The following PHKB variants were observed in gnomAD, a reference collection of about 807,000 sequenced individuals.
The protein encoded by PHKB is phosphorylase b kinase regulatory subunit beta.
In PHKB, 122 loss-of-function variants were observed where a neutral mutation model predicts 152.1. That is an observed-to-expected ratio of 0.80 (90% CI 0.69 to 0.93). The LOEUF (loss-of-function observed/expected upper bound fraction) is 0.93. Among genes scored for constraint, PHKB ranks in the 40% least tolerant of loss-of-function variants. The probability of loss-of-function intolerance (pLI) is 0.00; values close to 1 mark genes in which losing one functional copy is unlikely to be tolerated. For synonymous variants in PHKB, 436 were observed against 464.9 expected (o/e 0.94, Z 0.80); for missense variants, 1,304 against 1,328.4 (o/e 0.98, Z 0.29).
At chr16:47,566,115 T>C in intron 7 of PHKB, 1 of 657,958 alleles carries the variant, frequency 1.5e-6, no homozygotes, top group African/African-American at 1.8e-5. Flanking sequence ...TCTATCATAA[T>C]CTCTGCTGCC....
At position 47,699,663 on chromosome 16, in the gene PHKB, C is replaced by A; in HGVS notation, c.*297C>A. 2.4e-6 allele frequency: 1 copy of A among 410,372 alleles called. No homozygotes were observed. The allele number at this position is 410,372 out of a possible 1,614,324, so 25.4% of individuals were successfully genotyped here. On this transcript the variant is annotated 3_prime_UTR_variant, in exon 31 of 31. Coordinates refer to ENST00000323584, the MANE Select transcript of PHKB (RefSeq NM_000293.3). Reference sequence around the variant, plus strand: ...AATTTGCCGCTGCATGTTGTATGATCAAATAGTTCATCAAAATGAATCTTT... The same window carrying A: ...AATTTGCCGCTGCATGTTGTATGATAAAATAGTTCATCAAAATGAATCTTT...
At chr16:47,598,954 C>T in intron 13 of PHKB, 2 of 1,452,498 alleles carry the variant, frequency 1.4e-6, no homozygotes, top group Non-Finnish European at 1.9e-6. Flanking sequence ...TGGAGTATTG[C>T]ACACAGCCAA....
chr16:47,586,418 A>G (rs1004619847), intron 8 of PHKB, among the ~76,000 whole-genome samples: 3 of 152,232 alleles, frequency 2.0e-5, no homozygotes, highest in African/African-American at 4.8e-5. Flanking sequence ...AGACAGCCTC[A>G]CCGAATCACT....
intron 7 of PHKB, chr16:47,566,939 G>A (rs1199679843): frequency 9.0e-6 from 5 of 557,620 alleles, no homozygotes; most frequent in Admixed American, 8.3e-5. Context: ...TGTTGAGGCT[G>A]CCATGTTGGG....
chr16:47,598,041 CAG>C (rs1472465688), intron 13 of PHKB: 4 of 152,016 alleles, frequency 2.6e-5, no homozygotes, highest in Admixed American at 6.6e-5. Flanking sequence ...TATCAGAAAA[CAG>C]AGTAAATGGT....
chr16:47,490,777 C>T (rs1443241600), intron 1 of PHKB, among the ~76,000 whole-genome samples: 1 of 152,172 alleles, frequency 6.6e-6, no homozygotes, highest in Non-Finnish European at 1.5e-5. Flanking sequence ...AAGGGCAGAT[C>T]AGTGCCCCAA....
chr16:47,520,203 A>G (rs1315742955), intron 6 of PHKB, among the ~76,000 whole-genome samples: 1 of 152,204 alleles, frequency 6.6e-6, no homozygotes, highest in East Asian at 1.9e-4. Flanking sequence ...AAAACTATTT[A>G]TGGATGGTTT....
chr16:47,576,608 T>A (rs1207007956), intron 7 of PHKB, among the ~76,000 whole-genome samples: 1 of 152,214 alleles, frequency 6.6e-6, no homozygotes, highest in East Asian at 1.9e-4. Flanking sequence ...TTCTTTCAGT[T>A]CTGTCAGTTT....
At chr16:47,670,978 T>A (rs1478234441) in intron 26 of PHKB, among the ~76,000 whole-genome samples, 1 of 152,152 alleles carries the variant, frequency 6.6e-6, no homozygotes, top group Admixed American at 6.5e-5. Context: ...TATCATCTGG[T>A]CCGTCTTACT....
In PHKB at chr16:47,565,063, A is replaced by G. The variant is rs150901420; in HGVS notation, c.711-15232A>G. 1,362 of 442,162 alleles carry G rather than the reference A, an allele frequency of 3.1e-3. 22 individuals are homozygous for G. Among genetic ancestry groups the G allele is most frequent in the African/African-American group, 0.026 (1,263 of 49,130 alleles). The allele number at this position is 442,162 out of a possible 1,614,324, so 27.4% of individuals were successfully genotyped here. Reference sequence around the variant, plus strand: ...CCAGGGTGCAGAGAAAGTAGGAGAAAGCACAGGATGTTGAGGTCTATTTGG... The same window carrying G: ...CCAGGGTGCAGAGAAAGTAGGAGAAGGCACAGGATGTTGAGGTCTATTTGG... On this transcript the variant is annotated intron_variant, in intron 7 of 30. Transcript: ENST00000323584.
At chr16:47,479,394 A>C (rs1969925816) in intron 1 of PHKB, among the ~76,000 whole-genome samples, 1 of 151,968 alleles carries the variant, frequency 6.6e-6, no homozygotes, top group African/African-American at 2.4e-5. Flanking sequence ...GCTGCTGTCT[A>C]ATTTTGATCT....
chr16:47,665,474 G>A, intron 25 of PHKB: 1 of 245,558 alleles, frequency 4.1e-6, no homozygotes, highest in Non-Finnish European at 7.9e-6. Flanking sequence ...CTAAAATTCA[G>A]TACTAAGTGA....
intron 13 of PHKB, among the ~76,000 whole-genome samples, chr16:47,598,464 G>C (rs1400014725): frequency 2.6e-5 from 4 of 152,078 alleles, no homozygotes; most frequent in Non-Finnish European, 5.9e-5. Context: ...TAACCTGTGT[G>C]AATACTTTAT....
intron 11 of PHKB, 146 bp downstream of exon 11, chr16:47,593,703 T>C: frequency 1.5e-6 from 1 of 663,668 alleles, no homozygotes; most frequent in Non-Finnish European, 2.7e-6. Flanking sequence ...TTAATTGCCC[T>C]GCATTTGTAT....
chr16:47,581,298 C>T (rs1036973161), intron 8 of PHKB, among the ~76,000 whole-genome samples: 1 of 152,172 alleles, frequency 6.6e-6, no homozygotes, highest in Admixed American at 6.5e-5. Flanking sequence ...CTTCTCATCC[C>T]AACTCCCTCT....
chr16:47,582,841 G>C (rs1451388941), intron 8 of PHKB, among the ~76,000 whole-genome samples: 1 of 152,152 alleles, frequency 6.6e-6, no homozygotes, highest in African/African-American at 2.4e-5. Flanking sequence ...TTGTCACCCA[G>C]GCTGGAGTGC....
At chr16:47,581,438 A>G (rs1359304603) in intron 8 of PHKB, among the ~76,000 whole-genome samples, 5 of 152,196 alleles carry the variant, frequency 3.3e-5, no homozygotes, top group Non-Finnish European at 7.3e-5. Context: ...TAGGAGGATA[A>G]AATGACTTTA....
intron 28 of PHKB, among the ~76,000 whole-genome samples, chr16:47,694,116 G>A (rs141312957): frequency 2.3e-4 from 35 of 152,312 alleles, no homozygotes; most frequent in Middle Eastern, 3.4e-3. Context: ...AACTTTTTAG[G>A]TCATTGGACA....
intron 7 of PHKB, among the ~76,000 whole-genome samples, chr16:47,553,172 A>G (rs778207149): frequency 4.6e-5 from 7 of 152,112 alleles, no homozygotes; most frequent in Non-Finnish European, 8.8e-5. Context: ...AGGTACACCA[A>G]CCAAACATAG....
Sources: gnomAD v4.1 joint callset for allele counts (sites outside exome capture counted in the v4.1 genomes callset) on GRCh38, gnomAD v4.1.1 for gene constraint, MANE v1.5 for transcripts, NCBI Gene and HGNC (gene_info 2026-07-23, HGNC 2026-07-21) for gene names.